PLAAT5: variants seen among roughly 807,000 people sequenced by gnomAD.
The protein encoded by PLAAT5 is Ca(2+)-independent N-acyltransferase.
In PLAAT5, 27 loss-of-function variants were observed where a neutral mutation model predicts 27.8. The ratio of observed to expected loss-of-function variants is 0.97; its 90% CI spans 0.72 to 1.34. PLAAT5 has a LOEUF of 1.34. Ranked by LOEUF, PLAAT5 falls within the 40% of genes most tolerant of loss-of-function variation. The pLI, the probability that PLAAT5 is intolerant of heterozygous loss-of-function variation, is 0.00. For synonymous variants in PLAAT5, 125 were observed against 136.1 expected (o/e 0.92, Z 0.57); for missense variants, 368 against 343.8 (o/e 1.07, Z -0.56).
rs2015927014 is a variant in PLAAT5 at position 63,468,539 on chromosome 11, A to G, written c.346-74T>C. The G allele has an allele frequency of 1.5e-5, 16 of 1,101,380 alleles. No individual in the cohort carries two copies. In the South Asian group the frequency reaches 2.0e-4, roughly 14 times the overall value. The allele number at this position is 1,101,380 out of a possible 1,614,324, so 68.2% of individuals were successfully genotyped here. On this transcript the variant is annotated intron_variant, in intron 3 of 5. Coordinates refer to ENST00000540857, the MANE Select transcript of PLAAT5 (RefSeq NM_001146729.2). The stretch of plus-strand genomic sequence containing the variant: ...GAGACCTTGTTTTAGGATCAGGGAC[A>G]GCTCAGCCTAAAGATCCCCTCAGTG...
Position 63,462,557 on chromosome 11 carries a change from A to G in PLAAT5, c.*946T>C, listed in dbSNP as rs1057319255. The stretch of plus-strand genomic sequence containing the variant: ...TTATCTGAAACACTCTGAGGGTTCC[A>G]TCTTGCTCTTTTCCACATTCTTCAT... On this transcript the variant is annotated 3_prime_UTR_variant, in exon 6 of 6. Transcript: ENST00000540857. The G allele has an allele frequency of 6.6e-6, 1 of 152,216 alleles. No homozygotes were observed. The highest frequency in any genetic ancestry group is 2.4e-5 in the African/African-American group (1 of 41,460). The allele number at this position is 152,216 out of a possible 1,614,324, so 9.4% of individuals were successfully genotyped here.
chr11:63,466,311 G>A lies in PLAAT5; in HGVS notation c.516C>T (p.Tyr172=). 3 of 1,614,158 alleles carry A rather than the reference G, an allele frequency of 1.9e-6. No individual in the cohort carries two copies. Among genetic ancestry groups the A allele is most frequent in the South Asian group, 1.1e-5 (1 of 91,080 alleles). ...CATGCAGCACATCCTCCAGACGACT[G>A]TATTTCACCACGGCCCGATTGCTAA... is the stretch of plus-strand genomic sequence containing the variant. ...SIFSNRAVVK[Y]SRLEDVLHGC... The change falls in exon 5 of 6, where the codon TAC becomes TAT. Residue 172 remains tyrosine, a synonymous_variant. Coordinates refer to ENST00000540857, the MANE Select transcript of PLAAT5 (RefSeq NM_001146729.2).
At chr11:63,481,700 T>C (rs140110825) in intron 3 of PLAAT5, among the ~76,000 whole-genome samples, 10,057 of 152,168 alleles carry the variant, frequency 0.066, 701 homozygotes, top group African/African-American at 0.17. Flanking sequence ...ATGTGGCACA[T>C]ATACACCATG....
rs372381824 is a variant in PLAAT5 at position 63,468,349 on chromosome 11, A to G, written c.454+8T>C. ...ATATCAGTATTTCAATAGACTATTC[A>G]CTCTTACTTGGGGGAGCCAGATGGA... On this transcript the variant is annotated splice_region_variant and intron_variant, in intron 4 of 5. Coordinates refer to ENST00000540857, the MANE Select transcript of PLAAT5 (RefSeq NM_001146729.2). The G allele has an allele frequency of 3.2e-6, 5 of 1,587,164 alleles. No individual in the cohort carries two copies. The Admixed American group carries it at 6.7e-5, about 21-fold the overall frequency.
At position 63,466,383 on chromosome 11, in the gene PLAAT5, A is replaced by C; in HGVS notation, c.455-11T>G. ...CCTCAAACTCCTCACCTGGAGACCA[A>C]AGACAAACAAAGGTTGGGAAATACA... On this transcript the variant is annotated splice_polypyrimidine_tract_variant and intron_variant, in intron 4 of 5. Transcript: ENST00000540857. 1 of 1,613,122 alleles carries C rather than the reference A, an allele frequency of 6.2e-7. No individual in the cohort carries two copies. The highest frequency in any genetic ancestry group is 8.5e-7 in the Non-Finnish European group (1 of 1,179,558).
chr11:63,468,989 C>G (rs2015940650), intron 3 of PLAAT5, among the ~76,000 whole-genome samples: 1 of 152,024 alleles, frequency 6.6e-6, no homozygotes, highest in Admixed American at 6.6e-5. Context: ...GCAGGGCCCC[C>G]ACGTGACCCA....
intron 5 of PLAAT5, among the ~76,000 whole-genome samples, chr11:63,464,719 G>A (rs2015811758): frequency 6.6e-6 from 1 of 152,118 alleles, no homozygotes; most frequent in East Asian, 1.9e-4. Flanking sequence ...TTTTAGTAAG[G>A]ATCACCTATT....
At chr11:63,477,251 C>T (rs2016173046) in intron 3 of PLAAT5, among the ~76,000 whole-genome samples, 1 of 152,094 alleles carries the variant, frequency 6.6e-6, no homozygotes, top group Non-Finnish European at 1.5e-5. Context: ...TGTTTCTTTG[C>T]AGGTCTCATA....
At position 63,490,263 on chromosome 11, in the gene PLAAT5, C is replaced by G. The variant is rs747573573; in HGVS notation, c.219G>C (p.Gln73His). 16 of 1,614,122 alleles carry G rather than the reference C, an allele frequency of 9.9e-6. No homozygotes were observed. The highest frequency in any genetic ancestry group is 1.4e-5 in the Non-Finnish European group (16 of 1,180,046). The change falls in exon 2 of 6, where the codon CAG becomes CAC. Residue 73 changes from glutamine to histidine, a missense_variant. Physicochemically the swap from Gln to His is conservative, Grantham distance 24. Transcript: ENST00000540857. ...CTTACCCTTGCTGGATGCTTCTGCC[C>G]TGTTCTAATGTGCCCGGCGGAGGCT... is the stretch of plus-strand genomic sequence containing the variant. ...AKQPPPGTLE[Q>H]GRSIQQGEKA...
intron 3 of PLAAT5, among the ~76,000 whole-genome samples, chr11:63,484,610 A>G (rs2016390604): frequency 6.6e-6 from 1 of 152,120 alleles, no homozygotes; most frequent in South Asian, 2.1e-4. Context: ...ATGATTAAAA[A>G]CCTCAACAAA....
intron 3 of PLAAT5, among the ~76,000 whole-genome samples, chr11:63,469,145 T>TGTGA (rs377110717): frequency 0.018 from 2,248 of 122,632 alleles, 24 homozygotes; most frequent in African/African-American, 0.033. Context: ...TGTGTGTGTG[T>TGTGA]GAGAGAGAGA....
At chr11:63,476,765 AT>A (rs997898707) in intron 3 of PLAAT5, among the ~76,000 whole-genome samples, 1 of 151,934 alleles carries the variant, frequency 6.6e-6, no homozygotes, top group Non-Finnish European at 1.5e-5. Flanking sequence ...TTATATAGGT[AT>A]TTTTTTCTGC....
intron 3 of PLAAT5, among the ~76,000 whole-genome samples, chr11:63,486,487 G>A (rs1445716721): frequency 6.6e-6 from 1 of 152,028 alleles, no homozygotes; most frequent in Non-Finnish European, 1.5e-5. Flanking sequence ...CCGTAAAAAG[G>A]AATGAAACAA....
At chr11:63,479,934 C>T (rs537816246) in intron 3 of PLAAT5, among the ~76,000 whole-genome samples, 40 of 152,322 alleles carry the variant, frequency 2.6e-4, no homozygotes, top group African/African-American at 8.9e-4. Context: ...CCACTTGACA[C>T]GTTATGTTAC....
intron 3 of PLAAT5, among the ~76,000 whole-genome samples, chr11:63,471,265 C>T (rs1466083388): frequency 3.3e-5 from 5 of 152,234 alleles, no homozygotes; most frequent in African/African-American, 9.6e-5. Flanking sequence ...GTGTTGAGTA[C>T]AGAAAATAAT....
intron 5 of PLAAT5, among the ~76,000 whole-genome samples, chr11:63,465,021 G>A (rs552002563): frequency 2.0e-5 from 3 of 152,290 alleles, no homozygotes; most frequent in Admixed American, 1.3e-4. Context: ...GCTCATGCCT[G>A]TAATCTAGCA....
intron 3 of PLAAT5, among the ~76,000 whole-genome samples, chr11:63,481,909 G>A (rs1226546238): frequency 6.6e-6 from 1 of 152,190 alleles, no homozygotes; most frequent in East Asian, 1.9e-4. Flanking sequence ...ACTGTTGTGG[G>A]GTAGGGGGAG....
intron 3 of PLAAT5, among the ~76,000 whole-genome samples, chr11:63,471,308 A>T (rs543315575): frequency 1.4e-4 from 21 of 152,342 alleles, no homozygotes; most frequent in African/African-American, 4.1e-4. Flanking sequence ...TTTTTTGTAT[A>T]TAACTTTAAA....
In PLAAT5 at chr11:63,469,030, G is replaced by A. The variant is rs185385453; in HGVS notation, c.346-565C>T. On this transcript the variant is annotated intron_variant, in intron 3 of 5. Transcript: ENST00000540857. ...AGCCCAGAGGGTGCCCCCATCCTCT[G>A]CACACCCACACCACCAGTTGCTAAT... 7.2e-4 allele frequency among the ~76,000 whole-genome samples: 109 copies of A among 151,480 alleles called. 1 individual carries two copies. Among genetic ancestry groups the A allele is most frequent in the African/African-American group, 2.4e-3 (100 of 41,206 alleles).
Sources: allele counts gnomAD v4.1 joint callset (sites outside exome capture counted in the v4.1 genomes callset), GRCh38; gene constraint gnomAD v4.1.1; transcripts MANE v1.5; gene names NCBI Gene and HGNC (gene_info 2026-07-23, HGNC 2026-07-21).